Variants in JOSD2 observed in about 807,000 individuals in gnomAD.
The protein encoded by JOSD2 is josephin-2.
A neutral mutation model predicts 19.3 loss-of-function variants in JOSD2; 20 were observed. That is an observed-to-expected ratio of 1.04 (90% CI 0.73 to 1.51). The LOEUF is 1.51. Among genes scored for constraint, JOSD2 ranks in the 40% most tolerant of loss-of-function variants. The pLI is 0.00. For synonymous variants in JOSD2, 118 were observed against 123.7 expected (o/e 0.95, Z 0.31); for missense variants, 215 against 250.4 (o/e 0.86, Z 0.95).
rs374560845 is a variant in JOSD2, at chr19:50,510,093, G to C, written c.146+193C>G. Reference sequence around the variant, plus strand: ...GAAAGAACCACTGGATTGAGGTCTGGCTGGGGCTGAGGCCACAGGGACAGA... The same window carrying C: ...GAAAGAACCACTGGATTGAGGTCTGCCTGGGGCTGAGGCCACAGGGACAGA... On this transcript the variant is annotated intron_variant, in intron 2 of 4. Transcript: ENST00000598418. The C allele has an allele frequency of 2.5e-5, 14 of 567,116 alleles. No homozygotes were observed. The East Asian group carries it at 4.1e-4, about 17-fold the overall frequency. 35.1% of individuals were successfully genotyped at this position (567,116 alleles called of 1,614,324 possible).
At position 50,506,404 on chromosome 19, in the gene JOSD2, C is replaced by T. The variant is rs1979339778; in HGVS notation, c.441G>A (p.Glu147=). Residue 147 remains glutamate (E), a synonymous_variant, in exon 4 of 5, where the codon GAG becomes GAA. Transcript: ENST00000598418. ...TGACTCCGTCCTCATCCCCCAGGGCCTCGGGCGCCCGCAGCTTGGAGTCCA... is the reference window on the plus strand; with the variant it reads ...TGACTCCGTCCTCATCCCCCAGGGCTTCGGGCGCCCGCAGCTTGGAGTCCA... ...YNLDSKLRAP[E]ALGDEDGVRA... The T allele has an allele frequency of 1.9e-6, 3 of 1,605,984 alleles. No individual in the cohort carries two copies. The highest frequency in any genetic ancestry group is 2.5e-6 in the Non-Finnish European group (3 of 1,176,988).
At chr19:50,507,272 T>G in intron 3 of JOSD2, among the ~76,000 whole-genome samples, 1 of 148,158 alleles carries the variant, frequency 6.7e-6, no homozygotes, top group South Asian at 2.2e-4. Flanking sequence ...AAACTTCCCA[T>G]TCATCCACCC....
In JOSD2 at chr19:50,511,071, G is replaced by T. The variant is rs1472912855; in HGVS notation, c.-18+46C>A. The T allele has an allele frequency of 8.9e-6, 4 of 450,314 alleles. No homozygotes were observed. In the Admixed American group the frequency reaches 9.5e-5, roughly 11 times the overall value. The allele number at this position is 450,314 out of a possible 1,614,324, so 27.9% of individuals were successfully genotyped here. A position where few individuals can be genotyped will look rare whatever the true frequency, so the allele number is the denominator to read the frequency against. On this transcript the variant is annotated intron_variant, in intron 1 of 4. Transcript: ENST00000598418. ...AAGGAATGGAGCCCTTCGCCGACCC[G>T]CACCCCAGCCACGGCGCTCGCCCTT...
At position 50,511,166 on chromosome 19, in the gene JOSD2, C is replaced by T. The variant is rs1979829660; in HGVS notation, c.-67G>A. 2.2e-6 allele frequency: 1 copy of T among 447,520 alleles called. No individual in the cohort carries two copies. Among genetic ancestry groups the T allele is most frequent in the Non-Finnish European group, 4.5e-6 (1 of 222,420 alleles). The allele number at this position is 447,520 out of a possible 1,614,324, so 27.7% of individuals were successfully genotyped here. On this transcript the variant is annotated 5_prime_UTR_variant, in exon 1 of 5. Coordinates refer to ENST00000598418, the MANE Select transcript of JOSD2 (RefSeq NM_001270639.2). ...AGCCAGGGGTTTCCGCATCCCCTTC[C>T]TGGGCGGCGGCTCTGGGCTCCGAGT...
At chr19:50,509,788 T>C (rs1979626237) in intron 2 of JOSD2, among the ~76,000 whole-genome samples, 1 of 151,718 alleles carries the variant, frequency 6.6e-6, no homozygotes, top group Non-Finnish European at 1.5e-5. Flanking sequence ...GTGCAGTGGC[T>C]CACGCCTGTA....
At chr19:50,508,387 C>G (rs1313892983) in intron 2 of JOSD2, among the ~76,000 whole-genome samples, 2 of 152,174 alleles carry the variant, frequency 1.3e-5, no homozygotes, top group African/African-American at 4.8e-5. Context: ...TGCCCTCACC[C>G]CTCCCCTGCT....
At chr19:50,510,506 C>T in intron 1 of JOSD2, 58 bp from the exon 2 acceptor site, 1 of 1,479,186 alleles carries the variant, frequency 6.8e-7, no homozygotes. Context: ...GGTCCAGCCT[C>T]CCAGCAGGCC....
intron 3 of JOSD2, among the ~76,000 whole-genome samples, 159 bp downstream of exon 3, chr19:50,507,415 G>A (rs112644330): frequency 2.0e-5 from 3 of 151,414 alleles, no homozygotes; most frequent in East Asian, 1.9e-4. Context: ...TCAGCCCATC[G>A]ACCACCTGAT....
intron 2 of JOSD2, among the ~76,000 whole-genome samples, chr19:50,509,986 G>C (rs955431947): frequency 1.3e-5 from 2 of 148,944 alleles, no homozygotes; most frequent in African/African-American, 5.0e-5. Flanking sequence ...CCGGGAGGCC[G>C]AGCTCGCAGT....
intron 2 of JOSD2, 22 bp downstream of exon 2, chr19:50,510,264 G>C: frequency 3.1e-6 from 5 of 1,613,106 alleles, no homozygotes; most frequent in Non-Finnish European, 4.2e-6. Context: ...CTGCTCCAGG[G>C]GCTGGGGTGG....
At chr19:50,509,103 ATTTTTTTTTT>A (rs34345488) in intron 2 of JOSD2, among the ~76,000 whole-genome samples, 1 of 115,166 alleles carries the variant, frequency 8.7e-6, no homozygotes, top group African/African-American at 3.5e-5. Flanking sequence ...TAAAGGAGTG[ATTTTTTTTTT>A]TTTTTTTTTT....
rs113446447 is a variant in JOSD2 at position 50,506,360 on chromosome 19, C to T, written c.467+18G>A. On this transcript the variant is annotated intron_variant, in intron 4 of 4. Coordinates refer to ENST00000598418, the MANE Select transcript of JOSD2 (RefSeq NM_001270639.2). The stretch of plus-strand genomic sequence containing the variant: ...GGTTTCAGGCCCCTGGTCTTGGAAT[C>T]GCCTCTGTGGGGCTCACCTGACTCC... 4,308 of 1,603,394 alleles carry T rather than the reference C, an allele frequency of 2.7e-3. 123 individuals are homozygous for T. In the African/African-American group the frequency reaches 0.05, roughly 19 times the overall value.
intron 3 of JOSD2, 55 bp downstream of exon 3, chr19:50,507,519 T>C: frequency 6.4e-7 from 1 of 1,554,882 alleles, no homozygotes. Flanking sequence ...AGGCTCACAC[T>C]ATAGGGTGCC....
intron 2 of JOSD2, among the ~76,000 whole-genome samples, chr19:50,509,337 C>T (rs1979587847): frequency 6.6e-6 from 1 of 152,100 alleles, no homozygotes; most frequent in Non-Finnish European, 1.5e-5. Flanking sequence ...AAGTGATCCA[C>T]CCGCCTCAGC....
intron 2 of JOSD2, 105 bp downstream of exon 2, chr19:50,510,181 G>GC: frequency 7.2e-7 from 1 of 1,384,124 alleles, no homozygotes; most frequent in African/African-American, 1.4e-5. Context: ...TGAGCGCGGA[G>GC]CAGAAGAAAG....
Position 50,507,245 on chromosome 19 carries a change from T to C in JOSD2, c.272+329A>G, listed in dbSNP as rs1327761303. Among the ~76,000 whole-genome samples, 3 of 143,738 alleles carry C rather than the reference T, an allele frequency of 2.1e-5. No individual in the cohort carries two copies. In the East Asian group the frequency reaches 6.2e-4, roughly 30 times the overall value. The allele number at this position is 143,738 out of a possible 152,430, so 94.3% of individuals were successfully genotyped here. A position where few individuals can be genotyped will look rare whatever the true frequency, so the allele number is the denominator to read the frequency against. Reference sequence around the variant, plus strand: ...ATCCACCAGCCACATGCCCAGCCACTGGCCAGCCGGCCATCAAAACTTCCC... The same window carrying C: ...ATCCACCAGCCACATGCCCAGCCACCGGCCAGCCGGCCATCAAAACTTCCC... On this transcript the variant is annotated intron_variant, in intron 3 of 4. Coordinates refer to ENST00000598418, the MANE Select transcript of JOSD2 (RefSeq NM_001270639.2).
chr19:50,508,584 G>C (rs1979528613), intron 2 of JOSD2, among the ~76,000 whole-genome samples: 1 of 135,718 alleles, frequency 7.4e-6, no homozygotes, highest in Admixed American at 8.8e-5. Flanking sequence ...CTCTTCCCCT[G>C]CCTAGGAAGG....
intron 2 of JOSD2, among the ~76,000 whole-genome samples, chr19:50,508,279 G>A (rs557940932): frequency 1.3e-5 from 2 of 152,274 alleles, no homozygotes; most frequent in South Asian, 2.1e-4. Context: ...AGGCTGGATC[G>A]GGGCCCTGTC....
Position 50,507,431 on chromosome 19 carries a change from C to T in JOSD2, c.272+143G>A. On this transcript the variant is annotated intron_variant, in intron 3 of 4. Coordinates refer to ENST00000598418, the MANE Select transcript of JOSD2 (RefSeq NM_001270639.2). The stretch of plus-strand genomic sequence containing the variant: ...CAGCCCATCGACCACCTGATCTCCC[C>T]CTTTCAACCCATCAGTGCCAGGCTT... 3 of 1,165,266 alleles carry T rather than the reference C, an allele frequency of 2.6e-6. No homozygotes were observed. The South Asian group carries it at 4.4e-5, about 17-fold the overall frequency. The allele number at this position is 1,165,266 out of a possible 1,614,324, so 72.2% of individuals were successfully genotyped here.
Sources: allele counts gnomAD v4.1 joint callset (sites outside exome capture counted in the v4.1 genomes callset), GRCh38; gene constraint gnomAD v4.1.1; transcripts MANE v1.5; gene names NCBI Gene and HGNC (gene_info 2026-07-23, HGNC 2026-07-21).